The following TENM2 variants were observed in gnomAD, a reference collection of about 807,000 sequenced individuals.
The protein encoded by TENM2 is teneurin-2.
In TENM2, 52 loss-of-function variants were observed where a neutral mutation model predicts 245.2. That is an observed-to-expected ratio of 0.21 (90% CI 0.17 to 0.27). TENM2 has a LOEUF of 0.27. Among genes scored for constraint, TENM2 ranks in the 10% least tolerant of loss-of-function variants. The pLI is 1.00. For synonymous variants in TENM2, 1,363 were observed against 1,438.9 expected (o/e 0.95, Z 1.19); for missense variants, 3,046 against 3,666.8 (o/e 0.83, Z 4.37).
At chr5:167,528,981 G>C (rs528949142) in intron 2 of TENM2, among the ~76,000 whole-genome samples, 83 of 152,218 alleles carry the variant, frequency 5.5e-4, no homozygotes, top group Non-Finnish European at 1.0e-3. Flanking sequence ...AGGTGTGGTA[G>C]AAGTAGAAAG....
chr5:168,195,033 G>T, intron 14 of TENM2, 143 bp from the exon 17 acceptor site: 1 of 975,856 alleles, frequency 1.0e-6, no homozygotes, highest in Non-Finnish European at 1.5e-6. Context: ...TGTCACTAGC[G>T]TGATTGTGCA....
At chr5:168,050,630 C>A (rs1196094600) in intron 6 of TENM2, among the ~76,000 whole-genome samples, 1 of 152,138 alleles carries the variant, frequency 6.6e-6, no homozygotes, top group Non-Finnish European at 1.5e-5. Context: ...GCATGTGAGT[C>A]CCATCTAAGA....
intron 12 of TENM2, among the ~76,000 whole-genome samples, chr5:168,148,287 C>T (rs1482532877): frequency 1.3e-5 from 2 of 152,174 alleles, no homozygotes; most frequent in African/African-American, 4.8e-5. Context: ...GAAGCTCTTG[C>T]CTTCCTAAGG....
chr5:168,199,239 T>A, intron 16 of TENM2, 125 bp downstream of exon 18: 1 of 1,009,602 alleles, frequency 9.9e-7, no homozygotes, highest in Non-Finnish European at 1.4e-6. Flanking sequence ...GGGAGCATAA[T>A]AAAATTTATA....
At chr5:167,440,226 T>A (rs1189971091) in intron 2 of TENM2, among the ~76,000 whole-genome samples, 1 of 152,228 alleles carries the variant, frequency 6.6e-6, no homozygotes, top group African/African-American at 2.4e-5. Flanking sequence ...AACAATGTAA[T>A]GAAAATAAAT....
At chr5:167,003,706 A>T in the TENM2 span, among the ~76,000 whole-genome samples, 1 of 152,332 alleles carries the variant, frequency 6.6e-6, no homozygotes, top group East Asian at 1.9e-4. Context: ...AGGGAAAGAC[A>T]GTTGACCACC....
the TENM2 span, among the ~76,000 whole-genome samples, chr5:167,173,733 G>GTA: frequency 6.6e-6 from 1 of 151,636 alleles, no homozygotes; most frequent in African/African-American, 2.4e-5. Flanking sequence ...GTGTGTGTGT[G>GTA]TATGTGGGTG....
chr5:168,234,564 T>C (rs532419922), intron 25 of TENM2, among the ~76,000 whole-genome samples: 20 of 152,250 alleles, frequency 1.3e-4, no homozygotes, highest in African/African-American at 4.8e-4. Context: ...CTCCTGGCCC[T>C]GAGGATCTAA....
chr5:167,446,791 A>ACG (rs1554155093), intron 2 of TENM2, among the ~76,000 whole-genome samples: 19 of 86,990 alleles, frequency 2.2e-4, no homozygotes, highest in African/African-American at 8.1e-4. Flanking sequence ...TTTTTGAAAC[A>ACG]CGCACACACA....
intron 2 of TENM2, among the ~76,000 whole-genome samples, chr5:167,818,853 G>T (rs571174182): frequency 6.6e-6 from 1 of 152,300 alleles, no homozygotes; most frequent in African/African-American, 2.4e-5. Flanking sequence ...GAGGATGAGA[G>T]GAACCGCTTC....
At chr5:167,929,408 A>G (rs1463401698) in intron 3 of TENM2, among the ~76,000 whole-genome samples, 2 of 152,230 alleles carry the variant, frequency 1.3e-5, no homozygotes, top group African/African-American at 4.8e-5. Context: ...ATGCAAAAGC[A>G]TATGAGTTTC....
At chr5:168,014,864 A>C (rs1433669460) in intron 5 of TENM2, among the ~76,000 whole-genome samples, 1 of 152,048 alleles carries the variant, frequency 6.6e-6, no homozygotes, top group Admixed American at 6.5e-5. Context: ...GCTCTTGGGG[A>C]GCATAATGGC....
intron 9 of TENM2, among the ~76,000 whole-genome samples, chr5:168,101,299 G>A (rs961489808): frequency 1.8e-4 from 27 of 152,236 alleles, no homozygotes; most frequent in African/African-American, 6.3e-4. Context: ...ACCCTCAGCC[G>A]CACGGCCCGT....
intron 2 of TENM2, among the ~76,000 whole-genome samples, chr5:167,804,253 TATG>T (rs1340330934): frequency 5.9e-5 from 9 of 152,192 alleles, no homozygotes; most frequent in Admixed American, 3.3e-4. Context: ...TTCTAGTTTC[TATG>T]ATAATAAAAT....
chr5:168,151,401 C>T (rs767353652), intron 12 of TENM2, among the ~76,000 whole-genome samples: 21 of 152,194 alleles, frequency 1.4e-4, no homozygotes, highest in Non-Finnish European at 2.5e-4. Flanking sequence ...CAAAGGCTTT[C>T]CTAAACCACG....
chr5:167,393,112 A>C (rs1021863604), intron 2 of TENM2, among the ~76,000 whole-genome samples: 1 of 150,268 alleles, frequency 6.7e-6, no homozygotes, highest in African/African-American at 2.5e-5. Flanking sequence ...ACAGAGCAAG[A>C]CTCCATCTCG....
intron 1 of TENM2, among the ~76,000 whole-genome samples, chr5:167,292,499 C>T (rs771793252): frequency 6.6e-6 from 1 of 152,182 alleles, no homozygotes; most frequent in Admixed American, 6.5e-5. Flanking sequence ...TATTTCAACA[C>T]TGGACAATTG....
Position 168,206,875 on chromosome 5 carries a change from C to G in TENM2, c.3824+2254C>G, listed in dbSNP as rs35763353. On this transcript the variant is annotated intron_variant, in intron 19 of 28. Coordinates refer to ENST00000518659, the Ensembl canonical transcript of TENM2. The stretch of plus-strand genomic sequence containing the variant: ...AATCTTCCACATCAGGCCCTTCCTC[C>G]TTTGTCACTGTTCTTCCTGCTCAGA... 4.9e-3 allele frequency among the ~76,000 whole-genome samples: 741 copies of G among 152,260 alleles called. 4 individuals carry two copies. The highest frequency in any genetic ancestry group is 0.021 in the East Asian group (107 of 5,152).
At chr5:168,228,043 T>C (rs1466712468) in exon 25 of TENM2, 1 of 1,613,890 alleles carries the variant, frequency 6.2e-7, no homozygotes, top group Non-Finnish European at 8.5e-7. Flanking sequence ...TCTCCCTGCC[T>C]ATGGAGAATG....
Sources: allele counts gnomAD v4.1 joint callset (sites outside exome capture counted in the v4.1 genomes callset), GRCh38; gene constraint gnomAD v4.1.1; transcripts MANE v1.5; gene names NCBI Gene and HGNC (gene_info 2026-07-23, HGNC 2026-07-21).